BRSK2: variants seen among roughly 807,000 people sequenced by gnomAD.
BRSK2 encodes the protein serine/threonine-protein kinase BRSK2.
BRSK2 carries 19 observed loss-of-function variants against 83.3 expected under a neutral mutation model. The ratio of observed to expected loss-of-function variants is 0.23; its 90% CI spans 0.16 to 0.33. The LOEUF is 0.33. Ranked by LOEUF, BRSK2 falls within the 10% of genes least tolerant of loss-of-function variation. The pLI is 1.00. For synonymous variants in BRSK2, 519 were observed against 435.4 expected, an observed-to-expected ratio of 1.19 and a Z score of -2.39; for missense variants, 798 against 1,042.3, an observed-to-expected ratio of 0.77 and a Z score of 3.23.
chr11:1,452,284 G>T (rs1177356447), intron 15 of BRSK2, among the ~76,000 whole-genome samples: 5 of 152,242 alleles, frequency 3.3e-5, no homozygotes, highest in East Asian at 1.9e-4. Flanking sequence ...ATTCCACCCA[G>T]TGGCCTTTCT....
chr11:1,402,105 C>T (rs554449549), intron 1 of BRSK2, among the ~76,000 whole-genome samples: 10 of 152,266 alleles, frequency 6.6e-5, no homozygotes, highest in East Asian at 5.8e-4. Context: ...GCCAGGGCCC[C>T]GCAGAGCTGA....
intron 1 of BRSK2, among the ~76,000 whole-genome samples, chr11:1,411,985 C>T (rs1288806655): frequency 1.3e-5 from 2 of 151,416 alleles, no homozygotes; most frequent in Non-Finnish European, 2.9e-5. Context: ...CTCAGCTGCG[C>T]CGCCCCGTCC....
In BRSK2 at chr11:1,390,329, T is replaced by G; in HGVS notation, c.45T>G (p.Tyr15Ter). 9.5e-7 allele frequency: 1 copy of G among 1,050,732 alleles called. No individual in the cohort carries two copies. The highest frequency in any genetic ancestry group is 1.2e-6 in the Non-Finnish European group (1 of 862,204). 65.1% of individuals were successfully genotyped at this position (1,050,732 alleles called of 1,614,324 possible). A position where few individuals can be genotyped will look rare whatever the true frequency, so the allele number is the denominator to read the frequency against. The change falls in exon 1 of 20, where the codon TAT (tyrosine) becomes TAG (stop). Residue 15 changes from tyrosine (Y) to a stop codon, truncating the protein, a stop_gained. Transcript: ENST00000528841. LOFTEE classifies it high-confidence loss of function. This position sits in a 1 kb window ranked among gnomAD's most constrained non-coding sequence, Gnocchi z 6.8. ...ACGGCGGCGCGCAGCACGCGCAGTA[T>G]GTTGGGCCCTACCGGCTGGAGAAGA... is the stretch of plus-strand genomic sequence containing the variant. ...GKDGGAQHAQYVGPYRLEKTL... is the reference protein window; with the variant it reads ...GKDGGAQHAQ
At chr11:1,450,890 G>A (rs1017074756) in intron 14 of BRSK2, 96 bp downstream of exon 14, 3 of 1,229,406 alleles carry the variant, frequency 2.4e-6, no homozygotes, top group Non-Finnish European at 3.3e-6. Context: ...CAGTCCGAGG[G>A]GCCTGTAGCT....
At chr11:1,448,219 C>T (rs1852436997) in intron 12 of BRSK2, among the ~76,000 whole-genome samples, 1 of 152,306 alleles carries the variant, frequency 6.6e-6, no homozygotes, top group African/African-American at 2.4e-5. Context: ...AGAGTTGAAG[C>T]CGAGCAGCCG....
chr11:1,461,259 G>A lies in BRSK2; in HGVS notation c.*536G>A, dbSNP rs982451224. 4.2e-4 allele frequency: 224 copies of A among 534,620 alleles called. No homozygotes were observed. Among genetic ancestry groups the A allele is most frequent in the Middle Eastern group, 1.0e-3 (2 of 1,952 alleles). The allele number at this position is 534,620 out of a possible 1,614,324, so 33.1% of individuals were successfully genotyped here. On this transcript the variant is annotated 3_prime_UTR_variant, in exon 20 of 20. Transcript: ENST00000528841. ...GTGGCCTTCTGGGGCCAGGACCCCT[G>A]GTGGGCAACGTAGCCACAGGAACAG...
At chr11:1,440,659 C>A (rs1056638784) in intron 3 of BRSK2, 129 bp from the exon 4 acceptor site, 17 of 1,271,484 alleles carry the variant, frequency 1.3e-5, no homozygotes, top group Non-Finnish European at 1.8e-5. Flanking sequence ...CAGCTGCCCC[C>A]CCAGCCAGCA....
intron 1 of BRSK2, chr11:1,410,424 G>A (rs139238986): frequency 0.029 from 28,051 of 980,976 alleles, 737 homozygotes; most frequent in Non-Finnish European, 0.031. Flanking sequence ...GCAGAGCGGT[G>A]ACAGTTGCAG....
rs750591094 is a variant in BRSK2 at position 1,442,412 on chromosome 11, T to TG, written c.414-75dup. 4.0e-5 allele frequency: 45 copies of TG among 1,123,036 alleles called. No individual in the cohort carries two copies. In the East Asian group the frequency reaches 5.9e-4, roughly 15 times the overall value. 69.6% of individuals were successfully genotyped at this position (1,123,036 alleles called of 1,614,324 possible). On this transcript the variant is annotated intron_variant, in intron 4 of 19. Coordinates refer to ENST00000528841, the MANE Select transcript of BRSK2 (RefSeq NM_001256627.2). ...TGGCGTTTGGAGAGGCAGTGGGCTC[T>TG]GGGCAGGGGGTCTCCAGGGCGGGGA...
chr11:1,435,595 T>C (rs182879731), intron 1 of BRSK2, among the ~76,000 whole-genome samples: 1,000 of 36,260 alleles, frequency 0.028, 28 homozygotes, highest in South Asian at 0.064. Context: ...AGGAGGGGTG[T>C]CGGTGGGGGT....
chr11:1,454,695 A>G lies in BRSK2; in HGVS notation c.1668+87A>G, dbSNP rs866414061. Reference sequence around the variant, plus strand: ...GAGAATCCAGCCTCCTCACGTAGACAGGACATGTCCACGCGCACAGCACGG... The same window carrying G: ...GAGAATCCAGCCTCCTCACGTAGACGGGACATGTCCACGCGCACAGCACGG... On this transcript the variant is annotated intron_variant, in intron 16 of 19. Transcript: ENST00000528841. The surrounding 1 kb of genome is among the most constrained non-coding windows in gnomAD (Gnocchi z 5.2). The G allele has an allele frequency of 3.3e-6, 5 of 1,534,030 alleles. No individual in the cohort carries two copies. In the South Asian group the frequency reaches 3.5e-5, roughly 11 times the overall value.
chr11:1,422,138 C>T (rs1393952443), intron 1 of BRSK2, among the ~76,000 whole-genome samples: 1 of 152,160 alleles, frequency 6.6e-6, no homozygotes, highest in Non-Finnish European at 1.5e-5. Context: ...CCAGCCCAGC[C>T]CCAGCTGTGG....
intron 1 of BRSK2, among the ~76,000 whole-genome samples, chr11:1,420,017 C>T (rs1014136489): frequency 1.3e-5 from 2 of 152,364 alleles, no homozygotes; most frequent in Middle Eastern, 3.4e-3. Flanking sequence ...GGCACGTGGT[C>T]GTTCGTCTCC....
In BRSK2 at chr11:1,454,580, A is replaced by G. The variant is rs1248097061; in HGVS notation, c.1640A>G (p.Lys547Arg). ...VIKDKPLSSI[K>R]ADIVHAFLSI... ...AAAGACAAACCTCTGAGCTCCATCA[A>G]GGCTGACATCGTGCACGCCTTCCTG... is the stretch of plus-strand genomic sequence containing the variant. The change falls in exon 16 of 20, where the codon AAG becomes AGG. Residue 547 changes from lysine (K) to arginine (R), a missense_variant. Coordinates refer to ENST00000528841, the MANE Select transcript of BRSK2 (RefSeq NM_001256627.2). This position sits in a 1 kb window ranked among gnomAD's most constrained non-coding sequence, Gnocchi z 5.2. The G allele has an allele frequency of 6.2e-7, 1 of 1,613,070 alleles. No homozygotes were observed. Among genetic ancestry groups the G allele is most frequent in the Non-Finnish European group, 8.5e-7 (1 of 1,179,962 alleles).
chr11:1,459,580 C>T (rs1029531674), intron 19 of BRSK2: 19 of 345,118 alleles, frequency 5.5e-5, no homozygotes, highest in Non-Finnish European at 9.9e-5. Flanking sequence ...GGTGCCCATC[C>T]CTCTGTCCAC....
chr11:1,410,327 C>A (rs1377913363), intron 1 of BRSK2: 1 of 107,370 alleles, frequency 9.3e-6, no homozygotes, highest in Admixed American at 1.8e-4. Context: ...TTGCAGAGTC[C>A]GTGTTTGGGG....
At chr11:1,456,867 C>G in intron 18 of BRSK2, 180 bp downstream of exon 18, 1 of 1,465,152 alleles carries the variant, frequency 6.8e-7, no homozygotes, top group Non-Finnish European at 9.3e-7. Flanking sequence ...CCCTCCCTGG[C>G]CTGGCGGGAC....
Position 1,434,248 on chromosome 11 carries a change from G to T in BRSK2, c.92-1792G>T, listed in dbSNP as rs1469115265. ...GAAATTTGAGCACAGCGCGTGCACG[G>T]AAGGATGGCGGCCACTAAAGCCCAG... On this transcript the variant is annotated intron_variant, in intron 1 of 19. Transcript: ENST00000528841. Among the ~76,000 whole-genome samples, 3 of 152,244 alleles carry T rather than the reference G, an allele frequency of 2.0e-5. No individual in the cohort carries two copies. In the East Asian group the frequency reaches 5.8e-4, roughly 29 times the overall value.
At chr11:1,457,186 C>A in intron 18 of BRSK2, 1 of 792,478 alleles carries the variant, frequency 1.3e-6, no homozygotes, top group Non-Finnish European at 1.9e-6. Flanking sequence ...CCCCGGGCGG[C>A]CCATCTGCTA....
Sources: allele counts gnomAD v4.1 joint callset (sites outside exome capture counted in the v4.1 genomes callset), GRCh38; gene constraint gnomAD v4.1.1; non-coding constraint Gnocchi (gnomAD v3.1); transcripts MANE v1.5; gene names NCBI Gene and HGNC (gene_info 2026-07-23, HGNC 2026-07-21).